QRSL1: variants seen among roughly 807,000 people sequenced by gnomAD.
QRSL1 encodes glutaminyl-tRNA amidotransferase subunit QRSL1, also known as glutamyl-tRNA(Gln) amidotransferase subunit A, mitochondrial.
QRSL1 carries 54 observed loss-of-function variants against 61.6 expected under a neutral mutation model. The ratio of observed to expected loss-of-function variants is 0.88; its 90% CI spans 0.70 to 1.10. QRSL1 has a LOEUF of 1.10. Among genes scored for constraint, QRSL1 ranks in the 50% least tolerant of loss-of-function variants. The pLI, the probability that QRSL1 is intolerant of heterozygous loss-of-function variation, is 0.00. For synonymous variants in QRSL1, 228 were observed against 225.7 expected, an observed-to-expected ratio of 1.01 and a Z score of -0.09; for missense variants, 505 against 622.6, an observed-to-expected ratio of 0.81 and a Z score of 2.01.
intron 5 of QRSL1, among the ~76,000 whole-genome samples, chr6:106,651,997 A>G (rs978069698): frequency 6.6e-6 from 1 of 152,240 alleles, no homozygotes; most frequent in African/African-American, 2.4e-5. Flanking sequence ...CTTGAACTTA[A>G]TATGCCAAAA....
At chr6:106,654,667 G>A in intron 7 of QRSL1, 63 bp from the exon 8 acceptor site, 2 of 1,393,928 alleles carry the variant, frequency 1.4e-6, no homozygotes, top group Non-Finnish European at 2.0e-6. Flanking sequence ...TACAGATGAA[G>A]TACAAATTTT....
intron 3 of QRSL1, chr6:106,642,326 G>A (rs1777033217): frequency 6.6e-6 from 2 of 302,876 alleles, no homozygotes; most frequent in Admixed American, 8.2e-5. Flanking sequence ...AAAGTTTTGG[G>A]ATTACAGGCG....
At chr6:106,636,633 T>C (rs575470422) in intron 1 of QRSL1, among the ~76,000 whole-genome samples, 148 of 152,284 alleles carry the variant, frequency 9.7e-4, no homozygotes, top group African/African-American at 3.3e-3. Context: ...CTACTGCTTT[T>C]TAGCTATGTG....
rs1777470831 is a variant in QRSL1 at position 106,668,145 on chromosome 6, T to C, written c.*2143T>C. ...TTCAATGATATTATTCAGTATTCAA[T>C]ATTATTTCAAATAATATTAAATCTC... is the stretch of plus-strand genomic sequence containing the variant. On this transcript the variant is annotated 3_prime_UTR_variant, in exon 11 of 11. Transcript: ENST00000369046. The C allele has an allele frequency of 6.6e-6, 1 of 152,120 alleles. No individual in the cohort carries two copies. The highest frequency in any genetic ancestry group is 2.4e-5 in the African/African-American group (1 of 41,398). 9.4% of individuals were successfully genotyped at this position (152,120 alleles called of 1,614,324 possible). A position where few individuals can be genotyped will look rare whatever the true frequency, so the allele number is the denominator to read the frequency against.
At chr6:106,650,384 AG>A (rs1347357722) in intron 5 of QRSL1, among the ~76,000 whole-genome samples, 3 of 152,224 alleles carry the variant, frequency 2.0e-5, no homozygotes, top group African/African-American at 7.2e-5. Context: ...CATTTTCTGT[AG>A]GGCACAAGTG....
chr6:106,654,147 C>G (rs11968474), intron 7 of QRSL1, among the ~76,000 whole-genome samples: 51,420 of 151,894 alleles, frequency 0.34, 9,298 homozygotes, highest in Non-Finnish European at 0.41. Context: ...GTCAGGAGAT[C>G]GAGACCATCC....
chr6:106,643,292 A>G (rs1777051504), intron 4 of QRSL1, among the ~76,000 whole-genome samples: 1 of 152,248 alleles, frequency 6.6e-6, no homozygotes. Flanking sequence ...AATGTTAAAC[A>G]TCTTTTCATG....
chr6:106,663,135 G>A lies in QRSL1; in HGVS notation c.1316G>A (p.Arg439Lys). 1.2e-6 allele frequency: 2 copies of A among 1,614,220 alleles called. No homozygotes were observed. The highest frequency in any genetic ancestry group is 1.7e-6 in the Non-Finnish European group (2 of 1,180,030). Reference sequence around the variant, plus strand: ...TTGGAGTTCATCAAAGAGGACAACAGAACCCGAAGTGCCCAGGATGATATT... The same window carrying A: ...TTGGAGTTCATCAAAGAGGACAACAAAACCCGAAGTGCCCAGGATGATATT... ...PYLEFIKEDN[R>K]TRSAQDDIFT... The change falls in exon 10 of 11, where the codon AGA becomes AAA. Residue 439 changes from arginine to lysine, a missense_variant. Transcript: ENST00000369046.
intron 3 of QRSL1, among the ~76,000 whole-genome samples, chr6:106,642,299 G>A (rs937623563): frequency 3.3e-5 from 5 of 152,134 alleles, no homozygotes; most frequent in Non-Finnish European, 5.9e-5. Flanking sequence ...CAGGTGATCC[G>A]CCTGTCTTGG....
At position 106,652,283 on chromosome 6, in the gene QRSL1, GCTAT is replaced by G; in HGVS notation, c.633_636del (p.Ser211ArgfsTer3). The G allele has an allele frequency of 6.2e-7, 1 of 1,614,194 alleles. No individual in the cohort carries two copies. Among genetic ancestry groups the G allele is most frequent in the Non-Finnish European group, 8.5e-7 (1 of 1,180,026 alleles). ...TGTGGGCTTGTTGGTTTCAAACCAAGCTATGGCTTAGTTTCCCGTCATGGTCTCA... is the reference window on the plus strand; with the variant it reads ...TGTGGGCTTGTTGGTTTCAAACCAAGGGCTTAGTTTCCCGTCATGGTCTCA... On this transcript the variant is annotated frameshift_variant, in exon 6 of 11. Transcript: ENST00000369046. LOFTEE classifies it high-confidence loss of function.
intron 7 of QRSL1, chr6:106,653,932 A>G (rs550168621): frequency 6.6e-5 from 10 of 152,296 alleles, no homozygotes; most frequent in African/African-American, 2.4e-4. Flanking sequence ...TAGACCCTCT[A>G]CTTACCTGCT....
chr6:106,642,870 G>A, intron 3 of QRSL1, 124 bp from the exon 4 acceptor site: 3 of 803,348 alleles, frequency 3.7e-6, no homozygotes, highest in Non-Finnish European at 6.6e-6. Context: ...CACTGTGTGA[G>A]AACCAATGGG....
rs537120630 is a variant in QRSL1 at position 106,640,345 on chromosome 6, A to T, written c.25-4A>T. The T allele has an allele frequency of 2.5e-6, 4 of 1,610,252 alleles. No homozygotes were observed. The South Asian group carries it at 4.4e-5, about 18-fold the overall frequency. On this transcript the variant is annotated splice_polypyrimidine_tract_variant and splice_region_variant and intron_variant, in intron 1 of 10. Coordinates refer to ENST00000369046, the MANE Select transcript of QRSL1 (RefSeq NM_018292.5). ...AAAAGGTTTTTGAATTGTATACACT[A>T]TAGGTTTCTGCGGCACTGAAACAAG...
intron 1 of QRSL1, among the ~76,000 whole-genome samples, chr6:106,639,111 GTTTTGTTGTTTTT>G (rs1295447668): frequency 3.3e-5 from 2 of 60,754 alleles, no homozygotes; most frequent in African/African-American, 1.3e-4. Context: ...TTATTTGTGT[GTTTTGTTGTTTTT>G]TTTTTTTTTT....
intron 4 of QRSL1, among the ~76,000 whole-genome samples, chr6:106,644,202 C>G (rs1468523873): frequency 3.3e-5 from 5 of 152,100 alleles, no homozygotes; most frequent in East Asian, 1.9e-4. Context: ...TGTTTTCTTC[C>G]TTTCATATAG....
chr6:106,652,789 G>A lies in QRSL1; in HGVS notation c.849+207G>A. The A allele has an allele frequency of 2.0e-6, 3 of 1,471,986 alleles. No homozygotes were observed. In the South Asian group the frequency reaches 4.3e-5, roughly 21 times the overall value. The allele number at this position is 1,471,986 out of a possible 1,614,324, so 91.2% of individuals were successfully genotyped here. On this transcript the variant is annotated intron_variant, in intron 7 of 10. Transcript: ENST00000369046. ...AAATACTGACTTCAGAGAGGTTTGT[G>A]AGGATCAATTAGACAGTCATGTTAA...
Position 106,654,602 on chromosome 6 carries a change from A to G in QRSL1, c.850-128A>G, listed in dbSNP as rs893759325. On this transcript the variant is annotated intron_variant, in intron 7 of 10. Transcript: ENST00000369046. ...AGCTACCTACCAGCAATTTTATCCT[A>G]TTTTCTAATGTATTACCAAAGGTCC... 16 of 776,156 alleles carry G rather than the reference A, an allele frequency of 2.1e-5. No homozygotes were observed. The African/African-American group carries it at 2.1e-4, about 10-fold the overall frequency. The allele number at this position is 776,156 out of a possible 1,614,324, so 48.1% of individuals were successfully genotyped here. A position where few individuals can be genotyped will look rare whatever the true frequency, so the allele number is the denominator to read the frequency against.
chr6:106,639,155 C>T (rs1210822537), intron 1 of QRSL1, among the ~76,000 whole-genome samples: 2 of 110,330 alleles, frequency 1.8e-5, no homozygotes, highest in African/African-American at 4.0e-5. Flanking sequence ...TTGACAGAGT[C>T]TGGCTCTGTC....
intron 9 of QRSL1, among the ~76,000 whole-genome samples, chr6:106,658,907 T>C (rs1425906152): frequency 6.6e-6 from 1 of 152,188 alleles, no homozygotes; most frequent in Non-Finnish European, 1.5e-5. Context: ...TCTCTTCACA[T>C]GTATATTAAT....
Sources: gnomAD v4.1 joint callset for allele counts (sites outside exome capture counted in the v4.1 genomes callset) on GRCh38, gnomAD v4.1.1 for gene constraint, MANE v1.5 for transcripts, NCBI Gene and HGNC (gene_info 2026-07-23, HGNC 2026-07-21) for gene names.